Variants in GOLM1 observed in about 807,000 individuals in gnomAD.
GOLM1 encodes the protein epididymis luminal protein 46.
GOLM1 carries 31 observed loss-of-function variants against 50.5 expected under a neutral mutation model. That is an observed-to-expected ratio of 0.61 (90% confidence interval 0.46 to 0.83). GOLM1 has a LOEUF of 0.83. Ranked by LOEUF, GOLM1 falls within the 40% of genes least tolerant of loss-of-function variation. GOLM1 has a pLI of 0.00. For missense variants in GOLM1, 491 were observed against 501.3 expected, an observed-to-expected ratio of 0.98 and a Z score of 0.20; for synonymous variants, 178 against 192.8, an observed-to-expected ratio of 0.92 and a Z score of 0.64.
intron 1 of GOLM1, among the ~76,000 whole-genome samples, chr9:86,090,786 CAA>C (rs776381865): frequency 0.18 from 7,561 of 41,060 alleles, 430 homozygotes; most frequent in East Asian, 0.39. Context: ...ACTGGGGTAC[CAA>C]AAAAAAAAAA....
At position 86,090,855 on chromosome 9, in the gene GOLM1, G is replaced by C. The variant is rs549088429; in HGVS notation, c.-22+8556C>G. Among the ~76,000 whole-genome samples the C allele has an allele frequency of 2.0e-5, 3 of 148,814 alleles. No individual in the cohort carries two copies. In the Admixed American group the frequency reaches 2.0e-4, roughly 10 times the overall value. On this transcript the variant is annotated intron_variant, in intron 1 of 9. Transcript: ENST00000388712. The stretch of plus-strand genomic sequence containing the variant: ...CAGTGTCTGCCCAAATGGCCGCCCA[G>C]TTTTGTGCTTGAAACCCAGGGCCCT...
chr9:86,031,183 C>T (rs1415220855), intron 9 of GOLM1, among the ~76,000 whole-genome samples: 2 of 151,942 alleles, frequency 1.3e-5, no homozygotes, highest in East Asian at 3.9e-4. Flanking sequence ...GCACTCCAGC[C>T]TGGGCAACAG....
At chr9:86,081,054 T>A (rs1834766795) in intron 1 of GOLM1, among the ~76,000 whole-genome samples, 1 of 151,242 alleles carries the variant, frequency 6.6e-6, no homozygotes, top group Admixed American at 6.6e-5. Flanking sequence ...CCCAGCTAAT[T>A]TTTTAAAACA....
intron 3 of GOLM1, among the ~76,000 whole-genome samples, chr9:86,068,228 C>G (rs367799066): frequency 6.6e-6 from 1 of 152,140 alleles, no homozygotes; most frequent in Admixed American, 6.5e-5. Flanking sequence ...TCAAAGGTGT[C>G]AGCAAACACT....
chr9:86,038,573 G>A (rs1833228910), intron 6 of GOLM1, among the ~76,000 whole-genome samples: 1 of 152,096 alleles, frequency 6.6e-6, no homozygotes, highest in Admixed American at 6.6e-5. Flanking sequence ...GAAGCATAGG[G>A]GACATTCACA....
Position 86,072,114 on chromosome 9 carries a change from G to A in GOLM1, c.309+5298C>T, listed in dbSNP as rs187129292. Among the ~76,000 whole-genome samples, 4 of 152,254 alleles carry A rather than the reference G, an allele frequency of 2.6e-5. No homozygotes were observed. The East Asian group carries it at 7.7e-4, about 29-fold the overall frequency. ...AAACCAGAGAAAAAATATACATGTT[G>A]TTTTTGAACGTGTATAGTAATAGTT... On this transcript the variant is annotated intron_variant, in intron 3 of 9. Coordinates refer to ENST00000388712, the MANE Select transcript of GOLM1 (RefSeq NM_016548.4).
chr9:86,032,135 G>A (rs960489295), intron 9 of GOLM1, among the ~76,000 whole-genome samples: 9 of 151,912 alleles, frequency 5.9e-5, no homozygotes, highest in African/African-American at 2.2e-4. Context: ...CAGTATTCAG[G>A]CTGTGGGAAA....
At chr9:86,046,602 G>C (rs1833552911) in intron 4 of GOLM1, 30 bp from the exon 5 acceptor site, 1 of 1,386,268 alleles carries the variant, frequency 7.2e-7, no homozygotes, top group African/African-American at 1.4e-5. Flanking sequence ...AATTGCACAG[G>C]TCACCGGCAC....
intron 3 of GOLM1, among the ~76,000 whole-genome samples, chr9:86,075,683 C>A (rs1450609051): frequency 1.3e-5 from 2 of 152,210 alleles, no homozygotes; most frequent in Non-Finnish European, 2.9e-5. Context: ...CCCACCCTTG[C>A]TCACCAAAAT....
rs557207579 is a variant in GOLM1, at chr9:86,043,411, G to A, written c.468-2543C>T. On this transcript the variant is annotated intron_variant, in intron 5 of 9. Transcript: ENST00000388712. ...GGCACTGCCTTCTATAGAAGGATTA[G>A]ACCAGACAGGATGTTTTAAGGGAGG... Among the ~76,000 whole-genome samples the A allele has an allele frequency of 5.3e-5, 8 of 152,270 alleles. No individual in the cohort carries two copies. In the South Asian group the frequency reaches 1.7e-3, roughly 32 times the overall value.
At position 86,088,335 on chromosome 9, in the gene GOLM1, T is replaced by C. The variant is rs1166516735; in HGVS notation, c.-21-8994A>G. 3.3e-5 allele frequency among the ~76,000 whole-genome samples: 5 copies of C among 149,944 alleles called. No homozygotes were observed. In the South Asian group the frequency reaches 1.1e-3, roughly 32 times the overall value. ...TCTATTTCAGTCTTCTCTCTTTTCTTCTTTATTAGTCTGGCTAGCAGTCTA... is the reference window on the plus strand; with the variant it reads ...TCTATTTCAGTCTTCTCTCTTTTCTCCTTTATTAGTCTGGCTAGCAGTCTA... On this transcript the variant is annotated intron_variant, in intron 1 of 9. Transcript: ENST00000388712.
At chr9:86,055,548 A>T (rs79901050) in intron 3 of GOLM1, among the ~76,000 whole-genome samples, 2,162 of 152,364 alleles carry the variant, frequency 0.014, 48 homozygotes, top group African/African-American at 0.049. Context: ...AGGGGGTCAC[A>T]GATGAATGAA....
intron 1 of GOLM1, among the ~76,000 whole-genome samples, chr9:86,084,751 A>T (rs1454879740): frequency 2.6e-5 from 4 of 152,178 alleles, no homozygotes; most frequent in African/African-American, 4.8e-5. Flanking sequence ...TTAATATTTT[A>T]AAAAATTCCT....
intron 6 of GOLM1, among the ~76,000 whole-genome samples, chr9:86,039,093 C>T (rs1587699817): frequency 6.6e-6 from 1 of 152,032 alleles, no homozygotes; most frequent in East Asian, 1.9e-4. Flanking sequence ...AAAACTCTTA[C>T]AATTCAATAA....
At chr9:86,043,968 T>G (rs572701190) in intron 5 of GOLM1, among the ~76,000 whole-genome samples, 10 of 152,258 alleles carry the variant, frequency 6.6e-5, no homozygotes, top group Non-Finnish European at 1.5e-4. Flanking sequence ...GGATGAATAA[T>G]AAGACTGAGG....
chr9:86,039,881 T>C (rs1032776061), intron 6 of GOLM1, among the ~76,000 whole-genome samples: 3 of 150,872 alleles, frequency 2.0e-5, no homozygotes, highest in Non-Finnish European at 4.4e-5. Flanking sequence ...GGCAGGAGAA[T>C]CGCTTGAACC....
chr9:86,043,465 T>A (rs1833427720), intron 5 of GOLM1, among the ~76,000 whole-genome samples: 1 of 152,208 alleles, frequency 6.6e-6, no homozygotes, highest in Admixed American at 6.5e-5. Flanking sequence ...GAGGCCCATA[T>A]AATTTGCACA....
intron 2 of GOLM1, 24 bp from the exon 3 acceptor site, chr9:86,077,615 G>C (rs772744737): frequency 2.6e-5 from 41 of 1,584,158 alleles, no homozygotes; most frequent in Middle Eastern, 3.9e-4. Context: ...GTGGCATTAG[G>C]GCTGATGCCA....
chr9:86,083,202 C>T (rs1421377327), intron 1 of GOLM1, among the ~76,000 whole-genome samples: 3 of 152,208 alleles, frequency 2.0e-5, no homozygotes, highest in African/African-American at 7.2e-5. Context: ...TATAAAATGG[C>T]ATACTATGTG....
Sources: gnomAD v4.1 joint callset for allele counts (sites outside exome capture counted in the v4.1 genomes callset) on GRCh38, gnomAD v4.1.1 for gene constraint, MANE v1.5 for transcripts, NCBI Gene and HGNC (gene_info 2026-07-23, HGNC 2026-07-21) for gene names.